RPAP2: variants seen among roughly 807,000 people sequenced by gnomAD.
The protein encoded by RPAP2 is putative RNA polymerase II subunit B1 CTD phosphatase RPAP2.
Under a neutral mutation model 73.1 loss-of-function variants are expected in RPAP2, and 52 were observed. The observed-to-expected ratio is 0.71, with a 90% CI of 0.57 to 0.90. The LOEUF (loss-of-function observed/expected upper bound fraction) is 0.90, where lower values mean the gene tolerates loss of function less well. Among genes scored for constraint, RPAP2 ranks in the 40% least tolerant of loss-of-function variants. The probability of loss-of-function intolerance (pLI) is 0.00; values close to 1 mark genes in which losing one functional copy is unlikely to be tolerated. For synonymous variants in RPAP2, 225 were observed against 242.1 expected, an observed-to-expected ratio of 0.93 and a Z score of 0.65; for missense variants, 598 against 701.8, an observed-to-expected ratio of 0.85 and a Z score of 1.67.
intron 11 of RPAP2, among the ~76,000 whole-genome samples, chr1:92,371,755 A>G (rs2101423367): frequency 6.6e-6 from 1 of 151,412 alleles, no homozygotes; most frequent in African/African-American, 2.4e-5. Flanking sequence ...GGCCAGGTGC[A>G]GTGGCTCATG....
rs1380407411 is a variant in RPAP2, at chr1:92,323,472, A to G, written c.552A>G (p.Leu184=). The part of the protein sequence containing the change: ...QSGHSGEEVQ[L]CSKAIKTSDI... ...GCCATTCTGGAGAAGAAGTACAGTT[A>G]TGCAGTAAAGCCATTAAAACATCAG... The change falls in exon 8 of 13, where the codon TTA becomes TTG. Residue 184 remains leucine, a synonymous_variant. Coordinates refer to ENST00000610020, the MANE Select transcript of RPAP2 (RefSeq NM_024813.3). 1 of 1,609,148 alleles carries G rather than the reference A, an allele frequency of 6.2e-7. No individual in the cohort carries two copies. Among genetic ancestry groups the G allele is most frequent in the Non-Finnish European group, 8.5e-7 (1 of 1,177,228 alleles).
At chr1:92,378,987 G>A (rs1185885796) in intron 11 of RPAP2, among the ~76,000 whole-genome samples, 1 of 152,204 alleles carries the variant, frequency 6.6e-6, no homozygotes, top group Non-Finnish European at 1.5e-5. Flanking sequence ...GACTATTGCA[G>A]TCATCTCATC....
In RPAP2 at chr1:92,383,193, C is replaced by T. The variant is rs1655722145; in HGVS notation, c.1838+2320C>T. ...GTAGCCTTGTAGTATAGTTTGAAGTCAGGTAGCGTGATGCCTCCAGCTTTG... is the reference window on the plus strand; with the variant it reads ...GTAGCCTTGTAGTATAGTTTGAAGTTAGGTAGCGTGATGCCTCCAGCTTTG... On this transcript the variant is annotated intron_variant, in intron 12 of 12. Transcript: ENST00000610020. Among the ~76,000 whole-genome samples the T allele has an allele frequency of 2.0e-5, 3 of 152,190 alleles. No homozygotes were observed. In the South Asian group the frequency reaches 6.2e-4, roughly 32 times the overall value.
chr1:92,307,102 C>T (rs1388776668), intron 5 of RPAP2, 86 bp from the exon 6 acceptor site: 21 of 883,102 alleles, frequency 2.4e-5, no homozygotes, highest in East Asian at 5.4e-5. Flanking sequence ...ATTCTTTGAA[C>T]GATACATTTA....
At chr1:92,365,300 A>G (rs573121712) in intron 11 of RPAP2, among the ~76,000 whole-genome samples, 47 of 152,354 alleles carry the variant, frequency 3.1e-4, no homozygotes, top group Non-Finnish European at 5.1e-4. Flanking sequence ...AAATAAACAG[A>G]ACTACACAAA....
chr1:92,318,696 C>T (rs1652071209), intron 6 of RPAP2, among the ~76,000 whole-genome samples: 2 of 152,188 alleles, frequency 1.3e-5, no homozygotes, highest in African/African-American at 2.4e-5. Flanking sequence ...ACTGATTCCA[C>T]TTTCTCTCCT....
chr1:92,303,947 G>C (rs1415653007), intron 3 of RPAP2, 30 bp from the exon 4 acceptor site: 1 of 1,449,006 alleles, frequency 6.9e-7, no homozygotes, highest in South Asian at 1.2e-5. Context: ...TATTAAACTA[G>C]GAGGAAATAA....
intron 8 of RPAP2, among the ~76,000 whole-genome samples, chr1:92,332,730 G>A (rs527249193): frequency 6.6e-6 from 1 of 152,214 alleles, no homozygotes; most frequent in Admixed American, 6.5e-5. Flanking sequence ...CATACTTGGG[G>A]AAGGTTGCCC....
chr1:92,378,593 T>C (rs956926934), intron 11 of RPAP2, among the ~76,000 whole-genome samples: 1 of 152,172 alleles, frequency 6.6e-6, no homozygotes, highest in African/African-American at 2.4e-5. Flanking sequence ...CTTCTTGGTT[T>C]TATTTTAGCC....
intron 8 of RPAP2, among the ~76,000 whole-genome samples, chr1:92,325,495 A>AT (rs1227617855): frequency 6.6e-6 from 1 of 152,100 alleles, no homozygotes; most frequent in Non-Finnish European, 1.5e-5. Context: ...TTATTTTATC[A>AT]TTTTGTCCTT....
Position 92,380,883 on chromosome 1 carries a change from A to G in RPAP2, c.1838+10A>G. On this transcript the variant is annotated intron_variant, in intron 12 of 12. Coordinates refer to ENST00000610020, the MANE Select transcript of RPAP2 (RefSeq NM_024813.3). The stretch of plus-strand genomic sequence containing the variant: ...GCTGTTTACCAGAGTGGTAAGTTGG[A>G]TTGTGTTTTATTTTGGTTTTTATTC... 6.5e-7 allele frequency: 1 copy of G among 1,541,766 alleles called. No individual in the cohort carries two copies. Among genetic ancestry groups the G allele is most frequent in the Non-Finnish European group, 8.7e-7 (1 of 1,153,240 alleles).
At chr1:92,312,844 C>T (rs564101555) in intron 6 of RPAP2, among the ~76,000 whole-genome samples, 55 of 150,388 alleles carry the variant, frequency 3.7e-4, no homozygotes, top group African/African-American at 1.3e-3. Flanking sequence ...TTTTTTCAGA[C>T]AGAGTCTCAC....
chr1:92,338,646 T>C (rs1284753456), intron 10 of RPAP2, among the ~76,000 whole-genome samples: 2 of 107,712 alleles, frequency 1.9e-5, no homozygotes, highest in Non-Finnish European at 1.9e-5. Flanking sequence ...GGCTGATCAT[T>C]GATTTTTTTT....
intron 8 of RPAP2, among the ~76,000 whole-genome samples, chr1:92,326,929 T>C (rs1216940196): frequency 6.6e-6 from 1 of 152,214 alleles, no homozygotes; most frequent in Non-Finnish European, 1.5e-5. Context: ...CTGTGGAGTC[T>C]GCACACCAGA....
In RPAP2 at chr1:92,356,585, A is replaced by ATT. The variant is rs57838216; in HGVS notation, c.1688+10689_1688+10690dup. Among the ~76,000 whole-genome samples the ATT allele has an allele frequency of 4.4e-4, 23 of 51,730 alleles. 1 individual carries two copies. In the East Asian group the frequency reaches 5.3e-3, roughly 12 times the overall value. The allele number at this position is 51,730 out of a possible 152,430, so 33.9% of individuals were successfully genotyped here. A position where few individuals can be genotyped will look rare whatever the true frequency, so the allele number is the denominator to read the frequency against. On this transcript the variant is annotated intron_variant, in intron 11 of 12. Transcript: ENST00000610020. ...AGGTGTGTGTCACCACTCCTGGCTA[A>ATT]TTTTTTTTTTTTTTTTTTTCTGTAT...
rs190239670 is a variant in RPAP2, at chr1:92,336,305, T to A, written c.1539-42T>A. 708 of 1,427,488 alleles carry A rather than the reference T, an allele frequency of 5.0e-4. 1 individual carries two copies. In the African/African-American group the frequency reaches 9.3e-3, roughly 19 times the overall value. 88.4% of individuals were successfully genotyped at this position (1,427,488 alleles called of 1,614,324 possible). Reference sequence around the variant, plus strand: ...AGGCATGACCCAAAAAAAGTTTCCATATAATTTTGTTTTAAAATAAATGTA... The same window carrying A: ...AGGCATGACCCAAAAAAAGTTTCCAAATAATTTTGTTTTAAAATAAATGTA... On this transcript the variant is annotated intron_variant, in intron 9 of 12. Transcript: ENST00000610020.
intron 10 of RPAP2, among the ~76,000 whole-genome samples, chr1:92,340,593 A>G (rs1251534249): frequency 1.3e-5 from 2 of 152,198 alleles, no homozygotes; most frequent in African/African-American, 4.8e-5. Flanking sequence ...GCTCCACCCT[A>G]GAGATTGAGT....
At chr1:92,330,763 A>C (rs962185357) in intron 8 of RPAP2, among the ~76,000 whole-genome samples, 2 of 152,080 alleles carry the variant, frequency 1.3e-5, no homozygotes, top group Admixed American at 6.6e-5. Context: ...GTGGGTAGTC[A>C]ATTTTTAAAA....
At chr1:92,327,551 T>C (rs1235704084) in intron 8 of RPAP2, among the ~76,000 whole-genome samples, 3 of 152,250 alleles carry the variant, frequency 2.0e-5, no homozygotes, top group South Asian at 2.1e-4. Context: ...TGAATCCTTA[T>C]GTGTCAGGTG....
Sources: gnomAD v4.1 joint callset for allele counts (sites outside exome capture counted in the v4.1 genomes callset) on GRCh38, gnomAD v4.1.1 for gene constraint, MANE v1.5 for transcripts, NCBI Gene and HGNC (gene_info 2026-07-23, HGNC 2026-07-21) for gene names.